Variants in DCLK1 observed in about 807,000 individuals in gnomAD.
The protein encoded by DCLK1 is serine/threonine-protein kinase DCLK1.
DCLK1 carries 16 observed loss-of-function variants against 86.2 expected under a neutral mutation model. That is an observed-to-expected ratio of 0.19 (90% CI 0.13 to 0.28). The LOEUF is 0.28. Among genes scored for constraint, DCLK1 ranks in the 10% least tolerant of loss-of-function variants. The pLI, the probability that DCLK1 is intolerant of heterozygous loss-of-function variation, is 1.00. For missense variants in DCLK1, 590 were observed against 940.2 expected, an observed-to-expected ratio of 0.63 and a Z score of 4.87; for synonymous variants, 369 against 370.5, an observed-to-expected ratio of 1.00 and a Z score of 0.05.
chr13:35,930,627 AAAAC>A (rs1396437768), intron 4 of DCLK1, among the ~76,000 whole-genome samples: 1 of 150,970 alleles, frequency 6.6e-6, no homozygotes, highest in Non-Finnish European at 1.5e-5. Flanking sequence ...AAAACAAACA[AAAAC>A]AAAAAAAACA....
At chr13:35,778,313 C>A (rs149357883) in intron 16 of DCLK1, among the ~76,000 whole-genome samples, 74 of 152,282 alleles carry the variant, frequency 4.9e-4, no homozygotes, top group African/African-American at 1.7e-3. Context: ...GGGTGTATAC[C>A]TATTATTACT....
At position 35,871,345 on chromosome 13, in the gene DCLK1, G is replaced by A; in HGVS notation, c.824-5C>T. 2 of 1,611,136 alleles carry A rather than the reference G, an allele frequency of 1.2e-6. No individual in the cohort carries two copies. Among genetic ancestry groups the A allele is most frequent in the Non-Finnish European group, 1.7e-6 (2 of 1,178,130 alleles). On this transcript the variant is annotated splice_polypyrimidine_tract_variant and splice_region_variant and intron_variant, in intron 4 of 16. Coordinates refer to ENST00000360631, the MANE Select transcript of DCLK1 (RefSeq NM_001330071.2). ...TGGACTTTACCACTCGACATTCTGG[G>A]GAAAGAACAAAAACCACACATCATT...
At chr13:35,840,008 A>C (rs750733529) in intron 6 of DCLK1, among the ~76,000 whole-genome samples, 41 of 152,238 alleles carry the variant, frequency 2.7e-4, no homozygotes, top group Non-Finnish European at 5.1e-4. Flanking sequence ...CTTGTCCTAA[A>C]AGATCTTCCT....
At chr13:35,789,272 G>A (rs2086671377) in intron 16 of DCLK1, among the ~76,000 whole-genome samples, 1 of 152,128 alleles carries the variant, frequency 6.6e-6, no homozygotes, top group Non-Finnish European at 1.5e-5. Flanking sequence ...ATTCACAAAG[G>A]CATTTCAAAA....
In DCLK1 at chr13:35,778,020, A is replaced by T. The variant is rs1026926123; in HGVS notation, c.2059-3321T>A. Reference sequence around the variant, plus strand: ...TGGACATCGTCTCTGTGTTTTCCACAGTTCACAGCACACAGTAGATATTCT... The same window carrying T: ...TGGACATCGTCTCTGTGTTTTCCACTGTTCACAGCACACAGTAGATATTCT... On this transcript the variant is annotated intron_variant, in intron 16 of 16. Transcript: ENST00000360631. 3.9e-5 allele frequency among the ~76,000 whole-genome samples: 6 copies of T among 152,372 alleles called. 1 individual carries two copies. The highest frequency in any genetic ancestry group is 1.4e-4 in the African/African-American group (6 of 41,604).
chr13:35,927,886 G>A (rs758213735), intron 4 of DCLK1, among the ~76,000 whole-genome samples: 3 of 152,130 alleles, frequency 2.0e-5, no homozygotes, highest in Admixed American at 6.5e-5. Context: ...GACTCTGGAC[G>A]CTAGCAGCTG....
At chr13:35,953,939 A>C (rs955765401) in intron 3 of DCLK1, among the ~76,000 whole-genome samples, 2 of 152,220 alleles carry the variant, frequency 1.3e-5, no homozygotes, top group African/African-American at 4.8e-5. Flanking sequence ...CCATTGTATC[A>C]GAGACACCAA....
chr13:35,796,407 C>A (rs1195181755), intron 15 of DCLK1, among the ~76,000 whole-genome samples: 1 of 151,964 alleles, frequency 6.6e-6, no homozygotes, highest in Non-Finnish European at 1.5e-5. Flanking sequence ...AGGGTAGGGA[C>A]GGAGGGTAGA....
At chr13:35,778,899 T>C (rs1316224629) in intron 16 of DCLK1, among the ~76,000 whole-genome samples, 2 of 152,222 alleles carry the variant, frequency 1.3e-5, no homozygotes, top group Non-Finnish European at 2.9e-5. Context: ...ATAAAAACAG[T>C]CCAAACTGAT....
At chr13:36,085,463 A>T (rs1048321849) in intron 3 of DCLK1, among the ~76,000 whole-genome samples, 4 of 152,228 alleles carry the variant, frequency 2.6e-5, no homozygotes, top group African/African-American at 9.6e-5. Context: ...GATAAAAATT[A>T]CTAACCTGAA....
chr13:35,896,350 C>A (rs1873980797), intron 4 of DCLK1, among the ~76,000 whole-genome samples: 1 of 151,864 alleles, frequency 6.6e-6, no homozygotes, highest in African/African-American at 2.4e-5. Flanking sequence ...ACCAGCCTGA[C>A]CAACATGGTG....
chr13:35,822,734 G>A lies in DCLK1; in HGVS notation c.1549C>T (p.Leu517=). The change falls in exon 11 of 17, where the codon CTG becomes TTG. Residue 517 remains leucine, a synonymous_variant. Transcript: ENST00000360631. ...IVHRDIKPEN[L]LVYEHQDGSK... ...GTAGGTGGAATTCCTCTTACCAGCA[G>A]GTTCTCTGGCTTGATATCACGGTGG... The A allele has an allele frequency of 1.2e-6, 2 of 1,614,070 alleles. No homozygotes were observed. Among genetic ancestry groups the A allele is most frequent in the Non-Finnish European group, 1.7e-6 (2 of 1,180,010 alleles).
intron 6 of DCLK1, among the ~76,000 whole-genome samples, chr13:35,840,526 AG>A (rs2153108164): frequency 6.6e-6 from 1 of 152,356 alleles, no homozygotes; most frequent in East Asian, 1.9e-4. Context: ...GCTTTTCTAC[AG>A]AACAGGCTAA....
rs151213187 is a variant in DCLK1 at position 35,986,100 on chromosome 13, G to A, written c.724-38643C>T. Among the ~76,000 whole-genome samples the A allele has an allele frequency of 6.8e-3, 1,035 of 151,936 alleles. 9 individuals are homozygous for A. Among genetic ancestry groups the A allele is most frequent in the Middle Eastern group, 0.01 (3 of 292 alleles). On this transcript the variant is annotated intron_variant, in intron 3 of 16. Coordinates refer to ENST00000360631, the MANE Select transcript of DCLK1 (RefSeq NM_001330071.2). ...AGGCAGATCACAAGGTCAGGAGTTC[G>A]AGACCAGCCTGACCAACATGGTAAA...
intron 3 of DCLK1, among the ~76,000 whole-genome samples, chr13:36,080,352 C>A (rs905537314): frequency 9.2e-5 from 14 of 152,134 alleles, no homozygotes; most frequent in African/African-American, 2.4e-5. Flanking sequence ...GAAAAGCAAG[C>A]TGGAAATACC....
At chr13:35,957,995 A>ACC (rs1878110834) in intron 3 of DCLK1, among the ~76,000 whole-genome samples, 1 of 151,188 alleles carries the variant, frequency 6.6e-6, no homozygotes, top group Non-Finnish European at 1.5e-5. Context: ...CACCACCACC[A>ACC]CCACCATTAT....
intron 3 of DCLK1, among the ~76,000 whole-genome samples, chr13:36,098,969 G>T (rs569614378): frequency 4.8e-5 from 7 of 145,012 alleles, no homozygotes; most frequent in Non-Finnish European, 1.1e-4. Context: ...AATATTATTT[G>T]GATTTTTTTT....
At chr13:35,785,038 A>G (rs1004819001) in intron 16 of DCLK1, among the ~76,000 whole-genome samples, 1 of 152,096 alleles carries the variant, frequency 6.6e-6, no homozygotes, top group African/African-American at 2.4e-5. Flanking sequence ...CTTGAATCCA[A>G]TATGCACATT....
intron 4 of DCLK1, among the ~76,000 whole-genome samples, chr13:35,877,020 G>A (rs1288473829): frequency 6.6e-6 from 1 of 152,162 alleles, no homozygotes; most frequent in Non-Finnish European, 1.5e-5. Flanking sequence ...TCTGATGACT[G>A]AACCTCCCAC....
Sources: allele counts gnomAD v4.1 joint callset (sites outside exome capture counted in the v4.1 genomes callset), GRCh38; gene constraint gnomAD v4.1.1; transcripts MANE v1.5; gene names NCBI Gene and HGNC (gene_info 2026-07-23, HGNC 2026-07-21).